The following FBXL17 variants were observed in gnomAD, a reference collection of about 807,000 sequenced individuals.
The protein encoded by FBXL17 is F-box/LRR-repeat protein 17.
Under a neutral mutation model 66.2 loss-of-function variants are expected in FBXL17, and 22 were observed. The observed-to-expected ratio is 0.33, with a 90% CI of 0.24 to 0.47. The LOEUF (loss-of-function observed/expected upper bound fraction) is 0.47. FBXL17 is among the 20% of genes least tolerant of loss of function. The pLI is 1.00. For synonymous variants in FBXL17, 474 were observed against 400.5 expected (o/e 1.18, Z -2.19); for missense variants, 878 against 948.2 (o/e 0.93, Z 0.97).
chr5:107,953,281 T>C (rs1751557858), intron 7 of FBXL17, among the ~76,000 whole-genome samples: 1 of 151,490 alleles, frequency 6.6e-6, no homozygotes, highest in South Asian at 2.1e-4. Context: ...GCGGGCGCCT[T>C]AGTCCCAGCT....
At chr5:107,990,342 C>A (rs1753192371) in intron 7 of FBXL17, among the ~76,000 whole-genome samples, 1 of 152,036 alleles carries the variant, frequency 6.6e-6, no homozygotes, top group Admixed American at 6.5e-5. Context: ...GCAAAAGGAC[C>A]ATGTGTTTTT....
intron 6 of FBXL17, among the ~76,000 whole-genome samples, chr5:108,113,718 A>T (rs562816711): frequency 7.5e-4 from 114 of 152,210 alleles, no homozygotes; most frequent in Non-Finnish European, 1.4e-3. Flanking sequence ...TAAATTGGTA[A>T]AATACCTAAA....
At chr5:108,297,822 C>G in intron 4 of FBXL17, 1 of 805,374 alleles carries the variant, frequency 1.2e-6, no homozygotes, top group Non-Finnish European at 1.5e-6. Context: ...AGAATTCTTA[C>G]TGAATAAGCA....
intron 4 of FBXL17, among the ~76,000 whole-genome samples, chr5:108,309,191 C>T (rs1758996952): frequency 6.6e-6 from 1 of 152,008 alleles, no homozygotes; most frequent in Admixed American, 6.6e-5. Context: ...TGTATTCCTT[C>T]ACACAGAATA....
At chr5:108,215,116 T>C (rs190674034) in intron 5 of FBXL17, among the ~76,000 whole-genome samples, 1 of 152,334 alleles carries the variant, frequency 6.6e-6, no homozygotes, top group East Asian at 1.9e-4. Flanking sequence ...CATGAGATGA[T>C]AGGCATTTAC....
chr5:108,068,976 C>T (rs1748226010), intron 6 of FBXL17, among the ~76,000 whole-genome samples: 1 of 152,196 alleles, frequency 6.6e-6, no homozygotes, highest in Non-Finnish European at 1.5e-5. Flanking sequence ...TGTAAGAAAA[C>T]ATTTAGAGAA....
chr5:108,058,182 T>C (rs1027550918), intron 6 of FBXL17, among the ~76,000 whole-genome samples: 2 of 152,194 alleles, frequency 1.3e-5, no homozygotes. Flanking sequence ...CAATATCAGT[T>C]TGTTTTACCA....
At chr5:108,303,741 C>T (rs1428133040) in intron 4 of FBXL17, among the ~76,000 whole-genome samples, 1 of 151,890 alleles carries the variant, frequency 6.6e-6, no homozygotes, top group African/African-American at 2.4e-5. Flanking sequence ...AATACTAACA[C>T]ATTATTTGCC....
chr5:108,243,536 A>G (rs1755956334), intron 4 of FBXL17, among the ~76,000 whole-genome samples: 1 of 152,166 alleles, frequency 6.6e-6, no homozygotes, highest in Admixed American at 6.5e-5. Flanking sequence ...GAAAGAGAGA[A>G]GTTAAAGTAA....
At chr5:108,340,213 G>T (rs570035616) in intron 4 of FBXL17, among the ~76,000 whole-genome samples, 1 of 151,428 alleles carries the variant, frequency 6.6e-6, no homozygotes, top group East Asian at 1.9e-4. Flanking sequence ...TTTAGAATGA[G>T]TAAAAATGTA....
chr5:108,345,431 T>C (rs1298192607), intron 4 of FBXL17, among the ~76,000 whole-genome samples: 1 of 151,840 alleles, frequency 6.6e-6, no homozygotes, highest in Non-Finnish European at 1.5e-5. Flanking sequence ...GTCCTCACTT[T>C]CCACATGAAT....
intron 7 of FBXL17, among the ~76,000 whole-genome samples, chr5:107,988,594 T>C (rs375682054): frequency 6.6e-6 from 1 of 152,028 alleles, no homozygotes; most frequent in Non-Finnish European, 1.5e-5. Flanking sequence ...TTACCACATA[T>C]AAGTGAAACA....
intron 6 of FBXL17, among the ~76,000 whole-genome samples, chr5:108,168,185 AGTT>A (rs1752480155): frequency 6.6e-6 from 1 of 151,456 alleles, no homozygotes; most frequent in Non-Finnish European, 1.5e-5. Context: ...GAAAGTCAAA[AGTT>A]GTTGATTTTC....
intron 4 of FBXL17, among the ~76,000 whole-genome samples, chr5:108,302,611 C>A (rs1758644054): frequency 1.3e-5 from 2 of 151,678 alleles, no homozygotes; most frequent in African/African-American, 4.8e-5. Flanking sequence ...AAACCCTTAA[C>A]CTAATTGAAC....
At chr5:108,220,820 GGAGA>G (rs1034223914) in intron 5 of FBXL17, among the ~76,000 whole-genome samples, 10 of 152,074 alleles carry the variant, frequency 6.6e-5, no homozygotes, top group Non-Finnish European at 1.5e-5. Context: ...TTTAAAAGTG[GGAGA>G]GAGAGCAAGA....
chr5:108,024,975 A>G (rs758868896), intron 6 of FBXL17, among the ~76,000 whole-genome samples: 5 of 152,216 alleles, frequency 3.3e-5, no homozygotes, highest in Non-Finnish European at 5.9e-5. Context: ...TGTAAGCTTC[A>G]AAACTATCAA....
intron 8 of FBXL17, among the ~76,000 whole-genome samples, chr5:107,868,478 A>G (rs1748347714): frequency 1.3e-5 from 2 of 152,222 alleles, no homozygotes; most frequent in African/African-American, 4.8e-5. Flanking sequence ...AATGCGATGA[A>G]GCTGCAGGCC....
chr5:108,066,534 T>G (rs1455439915), intron 6 of FBXL17, among the ~76,000 whole-genome samples: 6 of 152,012 alleles, frequency 3.9e-5, no homozygotes, highest in Non-Finnish European at 5.9e-5. Flanking sequence ...CTATCTCTTT[T>G]ATTAACTATT....
chr5:108,018,958 T>C (rs1229624727), intron 7 of FBXL17, among the ~76,000 whole-genome samples: 1 of 152,094 alleles, frequency 6.6e-6, no homozygotes, highest in Non-Finnish European at 1.5e-5. Context: ...GCAGACAGGG[T>C]TGAGAAACAC....
Sources: gnomAD v4.1 joint callset for allele counts (sites outside exome capture counted in the v4.1 genomes callset) on GRCh38, gnomAD v4.1.1 for gene constraint, MANE v1.5 for transcripts, NCBI Gene and HGNC (gene_info 2026-07-23, HGNC 2026-07-21) for gene names.